The following FIP1L1 variants were observed in gnomAD, a reference collection of about 807,000 sequenced individuals.
FIP1L1 encodes pre-mRNA 3'-end-processing factor FIP1.
In FIP1L1, 21 loss-of-function variants were observed where a neutral mutation model predicts 84.6. That is an observed-to-expected ratio of 0.25 (90% CI 0.18 to 0.36). The LOEUF (loss-of-function observed/expected upper bound fraction) is 0.36, where lower values mean the gene tolerates loss of function less well. FIP1L1 is among the 10% of genes least tolerant of loss of function. The pLI, the probability that FIP1L1 is intolerant of heterozygous loss-of-function variation, is 1.00. For synonymous variants in FIP1L1, 263 were observed against 242.3 expected, an observed-to-expected ratio of 1.09 and a Z score of -0.80; for missense variants, 526 against 751.1, an observed-to-expected ratio of 0.70 and a Z score of 3.50.
At chr4:53,406,578 G>A (rs899260218) in intron 10 of FIP1L1, among the ~76,000 whole-genome samples, 1 of 152,206 alleles carries the variant, frequency 6.6e-6, no homozygotes, top group Admixed American at 6.5e-5. Context: ...AGTTTCAGAA[G>A]GAATGGTACC....
In FIP1L1 at chr4:53,391,430, G is replaced by A; in HGVS notation, c.637G>A (p.Ala213Thr). 51 of 1,611,648 alleles carry A rather than the reference G, an allele frequency of 3.2e-5. No individual in the cohort carries two copies. The highest frequency in any genetic ancestry group is 4.2e-5 in the Non-Finnish European group (50 of 1,177,974). ...ATGGGGAATATGTTATTTAACTTAG[G>A]CCGAAGACTGTACTATGGAAGTTAC... ...PVTSTTNKIT[A>T]EDCTMEVTPG... The change falls in exon 9 of 18, where the codon GCC becomes ACC. Residue 213 changes from alanine to threonine, a missense_variant and splice_region_variant. By Grantham distance (58) the Ala-to-Thr change is moderately conservative. Around this residue, in one of 6 missense-constraint regions of FIP1L1, gnomAD observed 169 missense variants for 206.9 expected, o/e 0.82. Coordinates refer to ENST00000337488, the MANE Select transcript of FIP1L1 (RefSeq NM_030917.4).
chr4:53,405,946 A>C (rs1316030193), intron 10 of FIP1L1, among the ~76,000 whole-genome samples: 1 of 151,872 alleles, frequency 6.6e-6, no homozygotes, highest in Non-Finnish European at 1.5e-5. Flanking sequence ...CAATCACGTC[A>C]TCTGCAAACA....
In FIP1L1 at chr4:53,383,865, A is replaced by G; in HGVS notation, c.321A>G (p.Ala107=). The change falls in exon 5 of 18, where the codon GCA becomes GCG. Residue 107 remains alanine, a synonymous_variant. Transcript: ENST00000337488. The stretch of plus-strand genomic sequence containing the variant: ...CTATAGGAGACATTAAAACGGGAGC[A>G]CCACAGTATGGGTAAGTTATTTTTT... The part of the protein sequence containing the change: ...HVTIGDIKTG[A]PQYGSYGTAP... 6.2e-7 allele frequency: 1 copy of G among 1,612,160 alleles called. No individual in the cohort carries two copies. Among genetic ancestry groups the G allele is most frequent in the Non-Finnish European group, 8.5e-7 (1 of 1,179,276 alleles).
intron 15 of FIP1L1, 77 bp downstream of exon 15, chr4:53,444,180 G>A (rs1044535107): frequency 1.5e-5 from 14 of 944,556 alleles, no homozygotes; most frequent in African/African-American, 1.1e-4. Context: ...CAATAAAAAC[G>A]TGTTCATGGT....
intron 1 of FIP1L1, chr4:53,378,495 C>G (rs1287324030): frequency 1.3e-5 from 2 of 152,382 alleles, no homozygotes; most frequent in African/African-American, 4.8e-5. Flanking sequence ...AAAGATGGCC[C>G]ATAAAGAAAA....
At chr4:53,378,045 G>C (rs1578032933) in intron 1 of FIP1L1, 122 bp downstream of exon 1, 2 of 917,814 alleles carry the variant, frequency 2.2e-6, no homozygotes, top group East Asian at 6.0e-5. Flanking sequence ...AGTCCTGTCC[G>C]GCCTGACTTA....
chr4:53,386,053 T>TG (rs1267126556), intron 5 of FIP1L1, among the ~76,000 whole-genome samples: 5 of 151,234 alleles, frequency 3.3e-5, no homozygotes, highest in Non-Finnish European at 7.4e-5. Context: ...TTTTTTTTTT[T>TG]GCGTAACATA....
At chr4:53,438,971 T>TA (rs1770707846) in intron 13 of FIP1L1, among the ~76,000 whole-genome samples, 1 of 152,176 alleles carries the variant, frequency 6.6e-6, no homozygotes, top group South Asian at 2.1e-4. Context: ...ATGATTTTGG[T>TA]ATATTCCTTT....
rs527454913 is a variant in FIP1L1, at chr4:53,381,106, G to GA, written c.171-1166dup. On this transcript the variant is annotated intron_variant, in intron 3 of 17. Coordinates refer to ENST00000337488, the MANE Select transcript of FIP1L1 (RefSeq NM_030917.4). ...GTTGAGTTGATTTCATCCTATGGGG[G>GA]AAAAAACAATTTCCTTTACAGTGTT... Among the ~76,000 whole-genome samples, 16 of 151,978 alleles carry GA rather than the reference G, an allele frequency of 1.1e-4. No homozygotes were observed. The South Asian group carries it at 3.3e-3, about 32-fold the overall frequency.
At chr4:53,423,871 T>C (rs1427571783) in intron 11 of FIP1L1, among the ~76,000 whole-genome samples, 1 of 152,178 alleles carries the variant, frequency 6.6e-6, no homozygotes, top group Non-Finnish European at 1.5e-5. Flanking sequence ...TGACCATATT[T>C]AAGGTACATT....
At chr4:53,409,560 T>C (rs1349954188) in intron 10 of FIP1L1, among the ~76,000 whole-genome samples, 1 of 152,230 alleles carries the variant, frequency 6.6e-6, no homozygotes, top group Admixed American at 6.5e-5. Context: ...CAGAGATTAC[T>C]TCTGTCTTTT....
At chr4:53,445,436 A>AGT (rs1773785569) in intron 15 of FIP1L1, among the ~76,000 whole-genome samples, 1 of 152,194 alleles carries the variant, frequency 6.6e-6, no homozygotes, top group African/African-American at 2.4e-5. Flanking sequence ...AAGAGAGAAA[A>AGT]GAACAAGTTT....
chr4:53,443,547 A>G (rs1165993549), intron 14 of FIP1L1, among the ~76,000 whole-genome samples: 3 of 152,332 alleles, frequency 2.0e-5, no homozygotes, highest in Admixed American at 6.5e-5. Context: ...CAAACCCTGC[A>G]TATGATTTTC....
At chr4:53,403,685 T>A (rs1327729683) in intron 10 of FIP1L1, among the ~76,000 whole-genome samples, 1 of 152,188 alleles carries the variant, frequency 6.6e-6, no homozygotes, top group Non-Finnish European at 1.5e-5. Flanking sequence ...AAAACTTTGT[T>A]GTCCAATTCA....
chr4:53,382,915 T>A (rs555057198), intron 4 of FIP1L1, among the ~76,000 whole-genome samples: 1 of 152,306 alleles, frequency 6.6e-6, no homozygotes, highest in South Asian at 2.1e-4. Context: ...AAGTAAAATC[T>A]TCACAAATAT....
intron 12 of FIP1L1, 76 bp downstream of exon 12, chr4:53,426,041 A>G (rs1415287044): frequency 1.0e-6 from 1 of 986,552 alleles, no homozygotes; most frequent in African/African-American, 1.6e-5. Flanking sequence ...TATTCAATAG[A>G]TAGTCATAGT....
intron 12 of FIP1L1, among the ~76,000 whole-genome samples, chr4:53,426,502 T>C (rs1764421985): frequency 6.6e-6 from 1 of 152,140 alleles, no homozygotes; most frequent in Admixed American, 6.5e-5. Context: ...TCAAAATGTT[T>C]CGGATTTTAG....
intron 4 of FIP1L1, among the ~76,000 whole-genome samples, chr4:53,383,302 C>T (rs1171523303): frequency 1.3e-5 from 2 of 152,002 alleles, no homozygotes; most frequent in Admixed American, 6.5e-5. Flanking sequence ...TGTAGAACAT[C>T]AAAATTATGA....
chr4:53,390,652 A>C (rs775831867), intron 7 of FIP1L1, 24 bp downstream of exon 7: 1 of 1,484,400 alleles, frequency 6.7e-7, no homozygotes, highest in South Asian at 1.2e-5. Flanking sequence ...GGATTATATT[A>C]ATTTCAATAT....
Sources: allele counts gnomAD v4.1 joint callset (sites outside exome capture counted in the v4.1 genomes callset), GRCh38; gene constraint gnomAD v4.1.1; regional missense constraint gnomAD v4.1.1; transcripts MANE v1.5; gene names NCBI Gene and HGNC (gene_info 2026-07-23, HGNC 2026-07-21).